The following MYO9A variants were observed in gnomAD, a reference collection of about 807,000 sequenced individuals.
MYO9A encodes the protein myosin IXA, also known as unconventional myosin-IXa.
MYO9A carries 103 observed loss-of-function variants against 293.3 expected under a neutral mutation model. The ratio of observed to expected loss-of-function variants is 0.35; its 90% CI spans 0.30 to 0.41. The LOEUF (loss-of-function observed/expected upper bound fraction) is 0.41. Ranked by LOEUF, MYO9A falls within the 10% of genes least tolerant of loss-of-function variation. The pLI is 1.00. For synonymous variants in MYO9A, 1,001 were observed against 1,035.7 expected (o/e 0.97, Z 0.64); for missense variants, 2,685 against 3,033.0 (o/e 0.89, Z 2.69).
intron 5 of MYO9A, among the ~76,000 whole-genome samples, chr15:72,019,455 G>C (rs2077437004): frequency 6.6e-6 from 1 of 152,140 alleles, no homozygotes; most frequent in African/African-American, 2.4e-5. Flanking sequence ...ATTTATGAGA[G>C]AATATTACTT....
intron 11 of MYO9A, among the ~76,000 whole-genome samples, chr15:71,982,923 C>A (rs531506206): frequency 6.6e-6 from 1 of 152,152 alleles, no homozygotes; most frequent in Non-Finnish European, 1.5e-5. Flanking sequence ...TCCTTTTTAT[C>A]TCTAGTAATG....
intron 1 of MYO9A, 62 bp downstream of exon 1, chr15:72,117,618 G>A (rs918867780): frequency 2.5e-6 from 1 of 393,504 alleles, no homozygotes; most frequent in Non-Finnish European, 4.5e-6. Flanking sequence ...GAGCCAAATA[G>A]CGAGGCTGAG....
intron 11 of MYO9A, among the ~76,000 whole-genome samples, chr15:71,979,795 C>T (rs985672365): frequency 6.6e-6 from 1 of 152,128 alleles, no homozygotes; most frequent in African/African-American, 2.4e-5. Flanking sequence ...TAACATACAA[C>T]GGAATCACAA....
chr15:71,870,555 T>G (rs958990382), intron 32 of MYO9A, among the ~76,000 whole-genome samples: 2 of 152,180 alleles, frequency 1.3e-5, no homozygotes, highest in African/African-American at 4.8e-5. Context: ...GACTAAAAAT[T>G]TAAATCCAAA....
chr15:72,109,696 C>T (rs562443132), intron 1 of MYO9A, among the ~76,000 whole-genome samples: 16 of 152,064 alleles, frequency 1.1e-4, no homozygotes, highest in African/African-American at 3.6e-4. Context: ...TGAGACCAGT[C>T]TGGCCAATAT....
At chr15:71,993,227 A>G (rs953961819) in intron 10 of MYO9A, among the ~76,000 whole-genome samples, 8 of 151,972 alleles carry the variant, frequency 5.3e-5, no homozygotes, top group African/African-American at 1.9e-4. Flanking sequence ...GCACGCGCCT[A>G]TAATCCCAGG....
chr15:71,825,866 G>A lies in MYO9A; in HGVS notation c.*714C>T, dbSNP rs2054460568. 1.3e-5 allele frequency: 2 copies of A among 152,068 alleles called. No homozygotes were observed. The highest frequency in any genetic ancestry group is 4.1e-4 in the South Asian group (2 of 4,822). The allele number at this position is 152,068 out of a possible 1,614,324, so 9.4% of individuals were successfully genotyped here. On this transcript the variant is annotated 3_prime_UTR_variant, in exon 42 of 42. Transcript: ENST00000356056. ...TGTATTTGGCAGGAACTAAACAGGAGTTAAACCAGCACTGATTACTATGAC... is the reference window on the plus strand; with the variant it reads ...TGTATTTGGCAGGAACTAAACAGGAATTAAACCAGCACTGATTACTATGAC...
intron 5 of MYO9A, among the ~76,000 whole-genome samples, chr15:72,020,635 T>C (rs953221422): frequency 1.8e-4 from 28 of 152,152 alleles, no homozygotes; most frequent in Admixed American, 1.0e-3. Flanking sequence ...AGTAAAGCAT[T>C]TTTCTAATAC....
At chr15:72,064,312 T>G (rs2078958113) in intron 1 of MYO9A, among the ~76,000 whole-genome samples, 1 of 152,016 alleles carries the variant, frequency 6.6e-6, no homozygotes, top group East Asian at 1.9e-4. Context: ...CTAAAAGAAG[T>G]ATAATTGGAA....
At chr15:71,865,497 C>G (rs1303885312) in intron 32 of MYO9A, among the ~76,000 whole-genome samples, 1 of 152,188 alleles carries the variant, frequency 6.6e-6, no homozygotes, top group Middle Eastern at 3.4e-3. Flanking sequence ...CTGACACATG[C>G]TACAACACGA....
At chr15:71,999,367 A>G (rs758695236) in intron 9 of MYO9A, among the ~76,000 whole-genome samples, 5 of 152,028 alleles carry the variant, frequency 3.3e-5, no homozygotes, top group Non-Finnish European at 7.4e-5. Context: ...GATAACCTCA[A>G]TGAAGAATAT....
At chr15:71,869,586 G>C (rs2056444164) in intron 32 of MYO9A, among the ~76,000 whole-genome samples, 1 of 152,134 alleles carries the variant, frequency 6.6e-6, no homozygotes, top group South Asian at 2.1e-4. Flanking sequence ...ATAAATCTGG[G>C]TTAAGGGATA....
chr15:71,961,744 T>A (rs930517886), intron 13 of MYO9A, among the ~76,000 whole-genome samples: 1 of 152,022 alleles, frequency 6.6e-6, no homozygotes, highest in Non-Finnish European at 1.5e-5. Flanking sequence ...TTTTTTTTTT[T>A]AAACAAGGTC....
At chr15:71,938,778 G>T in intron 16 of MYO9A, 74 bp downstream of exon 16, 2 of 1,335,200 alleles carry the variant, frequency 1.5e-6, no homozygotes, top group Non-Finnish European at 2.1e-6. Flanking sequence ...AACTTTTAAA[G>T]TCACAAAAAT....
intron 13 of MYO9A, among the ~76,000 whole-genome samples, chr15:71,966,421 C>T (rs2075880133): frequency 6.6e-6 from 1 of 152,016 alleles, no homozygotes; most frequent in Non-Finnish European, 1.5e-5. Flanking sequence ...GAAATCTAAA[C>T]ACTTTATTTG....
chr15:72,083,023 T>C (rs1346588618), intron 1 of MYO9A, among the ~76,000 whole-genome samples: 1 of 152,026 alleles, frequency 6.6e-6, no homozygotes, highest in Non-Finnish European at 1.5e-5. Flanking sequence ...ATCAGGATGA[T>C]ACTGGCCTCA....
intron 1 of MYO9A, among the ~76,000 whole-genome samples, chr15:72,065,643 C>T (rs1027952377): frequency 6.7e-6 from 1 of 149,882 alleles, no homozygotes; most frequent in Non-Finnish European, 1.5e-5. Context: ...AAATTAAGAA[C>T]TTCTATTCAA....
intron 10 of MYO9A, chr15:71,993,608 C>CACACTGCTG (rs1478837520): frequency 1.3e-5 from 2 of 152,158 alleles, no homozygotes; most frequent in Non-Finnish European, 2.9e-5. Context: ...GGTGCTTTCA[C>CACACTGCTG]ACACTGCTGC....
chr15:72,056,700 C>T (rs192392911), intron 1 of MYO9A, among the ~76,000 whole-genome samples: 204 of 152,316 alleles, frequency 1.3e-3, no homozygotes, highest in African/African-American at 4.7e-3. Flanking sequence ...CTCAGCTGGG[C>T]GCAGTGGCTC....
Sources: allele counts gnomAD v4.1 joint callset (sites outside exome capture counted in the v4.1 genomes callset), GRCh38; gene constraint gnomAD v4.1.1; transcripts MANE v1.5; gene names NCBI Gene and HGNC (gene_info 2026-07-23, HGNC 2026-07-21).